The following PCDHA13 variants were observed in gnomAD, a reference collection of about 807,000 sequenced individuals.
The protein encoded by PCDHA13 is protocadherin alpha-13.
Under a neutral mutation model 64.8 loss-of-function variants are expected in PCDHA13, and 54 were observed. That is an observed-to-expected ratio of 0.83 (90% CI 0.67 to 1.04). PCDHA13 has a LOEUF of 1.04. PCDHA13 is among the 50% of genes least tolerant of loss of function. The pLI is 0.00. For synonymous variants in PCDHA13, 587 were observed against 564.4 expected, an observed-to-expected ratio of 1.04 and a Z score of -0.57; for missense variants, 1,248 against 1,254.3, an observed-to-expected ratio of 0.99 and a Z score of 0.08.
chr5:140,945,124 C>T (rs269553), intron 1 of PCDHA13, among the ~76,000 whole-genome samples: 48,193 of 151,846 alleles, frequency 0.32, 7,977 homozygotes, highest in East Asian at 0.53. Flanking sequence ...AAAAAATCAA[C>T]TTACAAAAAT....
At chr5:140,969,388 A>C in intron 1 of PCDHA13, 2 of 1,595,066 alleles carry the variant, frequency 1.3e-6, no homozygotes, top group Non-Finnish European at 1.7e-6. Context: ...CACATCCCCC[A>C]ATATCCTGTG....
At chr5:140,976,232 G>C (rs2096707189) in intron 1 of PCDHA13, among the ~76,000 whole-genome samples, 1 of 152,098 alleles carries the variant, frequency 6.6e-6, no homozygotes, top group Non-Finnish European at 1.5e-5. Flanking sequence ...AAAAATATAT[G>C]TCATTTCATG....
At position 140,883,740 on chromosome 5, in the gene PCDHA13, C is replaced by A; in HGVS notation, c.1472C>A (p.Ser491Tyr). 1 of 1,613,368 alleles carries A rather than the reference C, an allele frequency of 6.2e-7. No homozygotes were observed. The highest frequency in any genetic ancestry group is 8.5e-7 in the Non-Finnish European group (1 of 1,179,818). ...GACGCACAGGAGAACGCGCTGGTCT[C>A]CTACTCGCTGGTGGAGCGGCGGGTG... ...DADAQENALV[S>Y]YSLVERRVGE... Residue 491 changes from serine (S) to tyrosine (Y), a missense_variant, in exon 1 of 4, where the codon TCC (serine) becomes TAC (tyrosine). Transcript: ENST00000289272.
At chr5:141,009,500 A>G (rs2098409925) in intron 3 of PCDHA13, 127 bp from the exon 4 acceptor site, 2 of 1,494,658 alleles carry the variant, frequency 1.3e-6, no homozygotes, top group Non-Finnish European at 1.8e-6. Flanking sequence ...TCAGACTTGA[A>G]CAAACAACTC....
At chr5:140,961,108 C>T (rs1027018505) in intron 1 of PCDHA13, among the ~76,000 whole-genome samples, 1 of 152,174 alleles carries the variant, frequency 6.6e-6, no homozygotes, top group Non-Finnish European at 1.5e-5. Flanking sequence ...CACCCAACCC[C>T]CTTGCATCTT....
intron 1 of PCDHA13, among the ~76,000 whole-genome samples, chr5:140,956,797 G>T (rs1224324866): frequency 6.6e-6 from 1 of 152,040 alleles, no homozygotes; most frequent in Non-Finnish European, 1.5e-5. Flanking sequence ...TGCTTGGTGG[G>T]CTATTTATTA....
Position 140,883,273 on chromosome 5 carries a change from C to A in PCDHA13, c.1005C>A (p.Thr335=), listed in dbSNP as rs370482487. Reference sequence around the variant, plus strand: ...ATATTCCAATGGCGGGTCATTGTACCCTTTTGGTGGAAGTACTAGATGTAA... The same window carrying A: ...ATATTCCAATGGCGGGTCATTGTACACTTTTGGTGGAAGTACTAGATGTAA... ...KGNIPMAGHC[T]LLVEVLDVND... Residue 335 remains threonine (T), a synonymous_variant, in exon 1 of 4, where the codon ACC becomes ACA. Transcript: ENST00000289272. 10 of 1,613,676 alleles carry A rather than the reference C, an allele frequency of 6.2e-6. No homozygotes were observed. The Middle Eastern group carries it at 6.6e-4, about 106-fold the overall frequency.
intron 1 of PCDHA13, among the ~76,000 whole-genome samples, chr5:140,923,122 C>T (rs1405376878): frequency 6.6e-6 from 1 of 152,130 alleles, no homozygotes; most frequent in Non-Finnish European, 1.5e-5. Context: ...TTTTTAGGGT[C>T]ACACTTTGAA....
Position 140,908,048 on chromosome 5 carries a change from C to T in PCDHA13, c.2394+23386C>T, listed in dbSNP as rs143198443. On this transcript the variant is annotated intron_variant, in intron 1 of 3. Transcript: ENST00000289272. The stretch of plus-strand genomic sequence containing the variant: ...ATTAATCAGTATATAATTGCACATC[C>T]GGCCATTTCTCCTTCATGAAAAGTG... 1.1e-3 allele frequency among the ~76,000 whole-genome samples: 169 copies of T among 152,294 alleles called. 1 individual carries two copies. The East Asian group carries it at 0.023, about 21-fold the overall frequency.
At chr5:140,935,047 A>G (rs782161261) in intron 1 of PCDHA13, among the ~76,000 whole-genome samples, 11 of 152,140 alleles carry the variant, frequency 7.2e-5, no homozygotes, top group Admixed American at 3.3e-4. Flanking sequence ...GATTTCTGGT[A>G]TTACAAGATG....
At chr5:140,913,414 C>T (rs1451385869) in intron 1 of PCDHA13, among the ~76,000 whole-genome samples, 3 of 152,102 alleles carry the variant, frequency 2.0e-5, no homozygotes, top group African/African-American at 7.2e-5. Context: ...TGAATTCCTG[C>T]AGTATCAGTT....
intron 1 of PCDHA13, among the ~76,000 whole-genome samples, chr5:140,946,634 A>ATATATATATAT (rs1554217761): frequency 2.7e-5 from 4 of 147,312 alleles, no homozygotes; most frequent in African/African-American, 7.7e-5. Context: ...ATATATATAC[A>ATATATATATAT]ATGGAATACT....
At chr5:140,931,717 C>G (rs2087694120) in intron 1 of PCDHA13, among the ~76,000 whole-genome samples, 1 of 151,872 alleles carries the variant, frequency 6.6e-6, no homozygotes, top group Admixed American at 6.6e-5. Flanking sequence ...AAAATAACTT[C>G]TATAAATATG....
chr5:140,993,934 C>T (rs936977793), intron 3 of PCDHA13, among the ~76,000 whole-genome samples: 5 of 152,044 alleles, frequency 3.3e-5, no homozygotes, highest in African/African-American at 1.2e-4. Context: ...AGAACATATC[C>T]CCATTGTTAA....
intron 1 of PCDHA13, among the ~76,000 whole-genome samples, chr5:140,945,407 T>G (rs554073823): frequency 6.6e-6 from 1 of 152,128 alleles, no homozygotes; most frequent in Non-Finnish European, 1.5e-5. Context: ...ATACAATTCG[T>G]ATCAAAATTT....
rs782339436 is a variant in PCDHA13, at chr5:140,928,591, G to A, written c.2394+43929G>A. The A allele has an allele frequency of 3.1e-6, 5 of 1,614,230 alleles. No individual in the cohort carries two copies. The South Asian group carries it at 5.5e-5, about 18-fold the overall frequency. ...CTTGCCCAGAAATGGTTCTGTCCCA[G>A]TGGAAATTGTGCCCCGCTCTGCCAG... On this transcript the variant is annotated intron_variant, in intron 1 of 3. Coordinates refer to ENST00000289272, the MANE Select transcript of PCDHA13 (RefSeq NM_018904.3).
chr5:140,948,943 A>G (rs2094326850), intron 1 of PCDHA13, among the ~76,000 whole-genome samples: 1 of 71,272 alleles, frequency 1.4e-5, no homozygotes, highest in African/African-American at 4.3e-5. Context: ...CTTCTAATAT[A>G]AAAAAATTAA....
intron 1 of PCDHA13, among the ~76,000 whole-genome samples, chr5:140,956,090 C>T (rs964801271): frequency 1.3e-5 from 2 of 152,162 alleles, no homozygotes; most frequent in Non-Finnish European, 2.9e-5. Flanking sequence ...ATGTCATCTG[C>T]AAACAAAGAT....
intron 1 of PCDHA13, among the ~76,000 whole-genome samples, chr5:140,955,954 T>C (rs782364189): frequency 2.0e-5 from 3 of 152,184 alleles, no homozygotes; most frequent in Non-Finnish European, 2.9e-5. Context: ...TACTTGCTTG[T>C]TGTTTGTGCA....
Sources: gnomAD v4.1 joint callset for allele counts (sites outside exome capture counted in the v4.1 genomes callset) on GRCh38, gnomAD v4.1.1 for gene constraint, MANE v1.5 for transcripts, NCBI Gene and HGNC (gene_info 2026-07-23, HGNC 2026-07-21) for gene names.